Variants in PPM1L observed in about 807,000 individuals in gnomAD.
PPM1L encodes the protein protein phosphatase, Mg2+/Mn2+ dependent 1L, also known as protein phosphatase 1L.
In PPM1L, 13 loss-of-function variants were observed where a neutral mutation model predicts 31.4. That is an observed-to-expected ratio of 0.41 (90% CI 0.27 to 0.66). The LOEUF (loss-of-function observed/expected upper bound fraction) is 0.66. PPM1L is among the 30% of genes least tolerant of loss of function. The pLI is 0.29. For missense variants in PPM1L, 326 were observed against 453.7 expected (o/e 0.72, Z 2.56); for synonymous variants, 184 against 175.4 (o/e 1.05, Z -0.39).
At chr3:160,987,942 C>T (rs977524337) in intron 2 of PPM1L, among the ~76,000 whole-genome samples, 10 of 152,332 alleles carry the variant, frequency 6.6e-5, no homozygotes, top group East Asian at 1.9e-4. Context: ...CTGGTCCTAT[C>T]GGCTGTGGCA....
chr3:161,057,318 C>A (rs924912257), intron 2 of PPM1L, among the ~76,000 whole-genome samples: 3 of 152,116 alleles, frequency 2.0e-5, no homozygotes, highest in African/African-American at 7.2e-5. Flanking sequence ...CCTGAACTGT[C>A]TTTACCCATT....
chr3:161,006,703 G>A lies in PPM1L; in HGVS notation c.574+44793G>A, dbSNP rs1277829758. ...TCCTTTTTTTTTTTTTTTTTTTTGA[G>A]ACGGAGTCTTGATCTGTCGCCCAGG... On this transcript the variant is annotated intron_variant, in intron 2 of 3. Transcript: ENST00000498165. Among the ~76,000 whole-genome samples the A allele has an allele frequency of 2.6e-5, 3 of 114,124 alleles. No individual in the cohort carries two copies. The South Asian group carries it at 9.0e-4, about 34-fold the overall frequency. 74.9% of individuals were successfully genotyped at this position (114,124 alleles called of 152,430 possible). A position where few individuals can be genotyped will look rare whatever the true frequency, so the allele number is the denominator to read the frequency against.
intron 1 of PPM1L, among the ~76,000 whole-genome samples, chr3:160,885,228 CT>C (rs1334897932): frequency 1.3e-5 from 2 of 151,960 alleles, no homozygotes; most frequent in Non-Finnish European, 1.5e-5. Context: ...TAATTGCTTA[CT>C]TTTTTTTGGG....
chr3:160,852,487 C>G (rs1377281451), intron 1 of PPM1L, among the ~76,000 whole-genome samples: 2 of 152,094 alleles, frequency 1.3e-5, no homozygotes, highest in Non-Finnish European at 2.9e-5. Flanking sequence ...CAAATAAAAT[C>G]CTTACATTTG....
At chr3:160,865,754 G>A (rs1712065999) in intron 1 of PPM1L, among the ~76,000 whole-genome samples, 1 of 152,224 alleles carries the variant, frequency 6.6e-6, no homozygotes, top group Non-Finnish European at 1.5e-5. Context: ...TAACCAGGAC[G>A]ACAGAGTGAG....
intron 2 of PPM1L, among the ~76,000 whole-genome samples, chr3:160,973,202 G>T (rs1305021652): frequency 6.6e-6 from 1 of 152,204 alleles, no homozygotes; most frequent in Non-Finnish European, 1.5e-5. Context: ...CATCTCTAGT[G>T]ATTAAAACAT....
chr3:160,877,198 T>C (rs1712542794), intron 1 of PPM1L, among the ~76,000 whole-genome samples: 1 of 152,366 alleles, frequency 6.6e-6, no homozygotes, highest in East Asian at 1.9e-4. Flanking sequence ...TCAAACTCAG[T>C]TCTGTAAGAA....
chr3:161,052,627 T>C (rs891773755), intron 2 of PPM1L, among the ~76,000 whole-genome samples: 9 of 152,224 alleles, frequency 5.9e-5, no homozygotes, highest in South Asian at 2.1e-4. Flanking sequence ...GAGGGTCATA[T>C]ACATGCAAGG....
intron 1 of PPM1L, among the ~76,000 whole-genome samples, chr3:160,846,250 T>C (rs897445672): frequency 1.3e-5 from 2 of 152,136 alleles, no homozygotes; most frequent in African/African-American, 4.8e-5. Context: ...ATGGCTTTTA[T>C]TAGGTTTGCA....
At chr3:160,971,279 T>C (rs1211443694) in intron 2 of PPM1L, among the ~76,000 whole-genome samples, 1 of 152,194 alleles carries the variant, frequency 6.6e-6, no homozygotes, top group Non-Finnish European at 1.5e-5. Flanking sequence ...GTCGTAACAA[T>C]GTGTGATTTT....
intron 1 of PPM1L, among the ~76,000 whole-genome samples, chr3:160,806,767 AAG>A (rs1258665008): frequency 6.6e-5 from 10 of 150,438 alleles, no homozygotes; most frequent in South Asian, 2.1e-4. Flanking sequence ...GAAAGAAAGA[AAG>A]AGAGAGAGAG....
At chr3:160,905,833 C>T (rs184021417) in intron 1 of PPM1L, among the ~76,000 whole-genome samples, 91 of 152,168 alleles carry the variant, frequency 6.0e-4, no homozygotes, top group Non-Finnish European at 7.4e-5. Context: ...AAAAGTAGAA[C>T]TAGACAAAAC....
At chr3:160,986,906 G>C (rs1716981998) in intron 2 of PPM1L, among the ~76,000 whole-genome samples, 1 of 152,144 alleles carries the variant, frequency 6.6e-6, no homozygotes. Context: ...CAGGTCATTT[G>C]AAGTTTCCTT....
chr3:160,813,054 A>T (rs1712856885), intron 1 of PPM1L, among the ~76,000 whole-genome samples: 1 of 152,006 alleles, frequency 6.6e-6, no homozygotes, highest in African/African-American at 2.4e-5. Flanking sequence ...AGCAGGTATT[A>T]TTTTTTTGAA....
At chr3:160,817,518 T>C (rs1713033428) in intron 1 of PPM1L, among the ~76,000 whole-genome samples, 1 of 152,136 alleles carries the variant, frequency 6.6e-6, no homozygotes, top group South Asian at 2.1e-4. Flanking sequence ...ACTTCAGATA[T>C]TCTGTTTTCA....
intron 1 of PPM1L, among the ~76,000 whole-genome samples, chr3:160,800,043 A>G (rs377054802): frequency 6.6e-6 from 1 of 152,212 alleles, no homozygotes; most frequent in African/African-American, 2.4e-5. Context: ...GCATGAATAA[A>G]GGAATAGTAT....
At chr3:160,991,820 GTA>G (rs1717145377) in intron 2 of PPM1L, among the ~76,000 whole-genome samples, 1 of 152,146 alleles carries the variant, frequency 6.6e-6, no homozygotes, top group Non-Finnish European at 1.5e-5. Context: ...ACTGCATTCT[GTA>G]TACATATGAT....
intron 1 of PPM1L, among the ~76,000 whole-genome samples, chr3:160,928,208 G>A (rs544820754): frequency 2.3e-3 from 352 of 152,150 alleles, no homozygotes; most frequent in African/African-American, 8.3e-3. Flanking sequence ...TTAGTTTTTC[G>A]CTTCTAAAGT....
intron 1 of PPM1L, among the ~76,000 whole-genome samples, chr3:160,781,333 G>A (rs1711742658): frequency 6.6e-6 from 1 of 152,184 alleles, no homozygotes; most frequent in Non-Finnish European, 1.5e-5. Context: ...ATGTCTGCTG[G>A]AAAGGGATTT....
Sources: allele counts gnomAD v4.1 joint callset (sites outside exome capture counted in the v4.1 genomes callset), GRCh38; gene constraint gnomAD v4.1.1; transcripts MANE v1.5; gene names NCBI Gene and HGNC (gene_info 2026-07-23, HGNC 2026-07-21).